Variants in GLCCI1 observed in about 807,000 individuals in gnomAD.
GLCCI1 encodes the protein glucocorticoid-induced transcript 1 protein.
GLCCI1 carries 24 observed loss-of-function variants against 52.2 expected under a neutral mutation model. That is an observed-to-expected ratio of 0.46 (90% CI 0.33 to 0.65). The LOEUF (loss-of-function observed/expected upper bound fraction) is 0.65. Among genes scored for constraint, GLCCI1 ranks in the 30% least tolerant of loss-of-function variants. GLCCI1 has a pLI of 0.02. For missense variants in GLCCI1, 704 were observed against 701.5 expected, an observed-to-expected ratio of 1.00 and a Z score of -0.04; for synonymous variants, 310 against 276.5, an observed-to-expected ratio of 1.12 and a Z score of -1.20.
At chr7:8,033,291 G>T (rs1781796566) in intron 3 of GLCCI1, among the ~76,000 whole-genome samples, 1 of 151,754 alleles carries the variant, frequency 6.6e-6, no homozygotes, top group South Asian at 2.1e-4. Flanking sequence ...AAAACCTACA[G>T]ATTACTCATA....
intron 3 of GLCCI1, among the ~76,000 whole-genome samples, chr7:8,023,486 A>G (rs189830395): frequency 1.4e-5 from 2 of 145,624 alleles, no homozygotes; most frequent in East Asian, 2.0e-4. Context: ...ATTCTTTTCT[A>G]TTTCTTTTTA....
At chr7:8,000,614 A>C (rs910934510) in intron 1 of GLCCI1, among the ~76,000 whole-genome samples, 3 of 152,216 alleles carry the variant, frequency 2.0e-5, no homozygotes, top group African/African-American at 7.2e-5. Flanking sequence ...TATGATACAC[A>C]TAAAAAAATC....
At chr7:8,069,359 G>A (rs1210551846) in intron 5 of GLCCI1, among the ~76,000 whole-genome samples, 1 of 152,116 alleles carries the variant, frequency 6.6e-6, no homozygotes, top group Admixed American at 6.5e-5. Context: ...TGGAGGTGTG[G>A]TTAAAGCACT....
At chr7:7,997,761 C>T (rs1780963005) in intron 1 of GLCCI1, among the ~76,000 whole-genome samples, 1 of 151,918 alleles carries the variant, frequency 6.6e-6, no homozygotes, top group Admixed American at 6.6e-5. Context: ...AACCCTGTCT[C>T]TACAAAAAAT....
At chr7:7,978,919 C>G (rs757247053) in intron 1 of GLCCI1, among the ~76,000 whole-genome samples, 14 of 152,078 alleles carry the variant, frequency 9.2e-5, no homozygotes, top group Non-Finnish European at 5.9e-5. Context: ...TTTATATTAG[C>G]TAATTATAAA....
At chr7:7,995,868 TG>T (rs1344798616) in intron 1 of GLCCI1, among the ~76,000 whole-genome samples, 1 of 152,118 alleles carries the variant, frequency 6.6e-6, no homozygotes, top group African/African-American at 2.4e-5. Context: ...ACCTGCACGT[TG>T]TGCACATATA....
intron 4 of GLCCI1, among the ~76,000 whole-genome samples, chr7:8,059,834 A>C (rs960102400): frequency 1.3e-5 from 2 of 152,246 alleles, no homozygotes; most frequent in Admixed American, 6.5e-5. Flanking sequence ...CTGCCATTCT[A>C]CTGAACAAGT....
intron 5 of GLCCI1, among the ~76,000 whole-genome samples, chr7:8,067,199 T>C (rs909606722): frequency 6.6e-6 from 1 of 152,170 alleles, no homozygotes; most frequent in Non-Finnish European, 1.5e-5. Context: ...AGAATAGCAA[T>C]CTTGCTTTTT....
At chr7:8,047,927 T>G (rs1304712235) in intron 3 of GLCCI1, among the ~76,000 whole-genome samples, 1 of 152,190 alleles carries the variant, frequency 6.6e-6, no homozygotes, top group African/African-American at 2.4e-5. Flanking sequence ...GCTACTTCCC[T>G]TCTCCCAGAG....
intron 3 of GLCCI1, among the ~76,000 whole-genome samples, chr7:8,023,588 CTTTTTTTTTTTTTTT>C (rs571726894): frequency 7.1e-5 from 3 of 41,984 alleles, no homozygotes; most frequent in African/African-American, 1.0e-4. Flanking sequence ...CTCTGTTATT[CTTTTTTTTTTTTTTT>C]TTTTTTTTTT....
In GLCCI1 at chr7:7,981,988, A is replaced by T. The variant is rs78145184; in HGVS notation, c.457+12181A>T. Reference sequence around the variant, plus strand: ...ATCAAAAATATTAATCCAGATAAGTATGAGAAAGTTTGGAGTTTGGTCACT... The same window carrying T: ...ATCAAAAATATTAATCCAGATAAGTTTGAGAAAGTTTGGAGTTTGGTCACT... On this transcript the variant is annotated intron_variant, in intron 1 of 7. Transcript: ENST00000223145. 185 of 421,358 alleles carry T rather than the reference A, an allele frequency of 4.4e-4. 1 individual carries two copies. In the East Asian group the frequency reaches 0.011, roughly 24 times the overall value. The allele number at this position is 421,358 out of a possible 1,614,324, so 26.1% of individuals were successfully genotyped here.
chr7:8,016,916 T>C (rs1298408379), intron 2 of GLCCI1, among the ~76,000 whole-genome samples: 1 of 152,208 alleles, frequency 6.6e-6, no homozygotes, highest in Non-Finnish European at 1.5e-5. Flanking sequence ...GATTATACAA[T>C]TATGAACATT....
At chr7:7,992,757 TCTC>T (rs894136393) in intron 1 of GLCCI1, among the ~76,000 whole-genome samples, 11 of 152,114 alleles carry the variant, frequency 7.2e-5, no homozygotes, top group African/African-American at 2.4e-4. Flanking sequence ...TGAAATCTTG[TCTC>T]CTCATTTTTT....
At chr7:8,008,287 CT>C (rs371599508) in intron 2 of GLCCI1, among the ~76,000 whole-genome samples, 969 of 139,746 alleles carry the variant, frequency 6.9e-3, no homozygotes, top group Admixed American at 8.4e-3. Flanking sequence ...TGTTGTATAT[CT>C]TTTTTTTTTT....
intron 6 of GLCCI1, among the ~76,000 whole-genome samples, chr7:8,078,250 T>C (rs1417437383): frequency 7.6e-6 from 1 of 132,074 alleles, no homozygotes; most frequent in African/African-American, 2.9e-5. Flanking sequence ...TTCATAAGAG[T>C]CCTTGTAAGC....
chr7:8,008,429 T>C (rs1781199962), intron 2 of GLCCI1, among the ~76,000 whole-genome samples: 1 of 151,940 alleles, frequency 6.6e-6, no homozygotes, highest in African/African-American at 2.4e-5. Flanking sequence ...GGGAATTAGC[T>C]GGGACTACAG....
chr7:7,973,153 A>C (rs1397697324), intron 1 of GLCCI1, among the ~76,000 whole-genome samples: 3 of 152,208 alleles, frequency 2.0e-5, no homozygotes, highest in Non-Finnish European at 4.4e-5. Flanking sequence ...ATAAAGTATT[A>C]TGCAAATAGT....
intron 1 of GLCCI1, among the ~76,000 whole-genome samples, chr7:8,000,715 G>A (rs1182862194): frequency 5.3e-5 from 1 of 18,774 alleles, no homozygotes. Flanking sequence ...AATAATTAAT[G>A]GGACAAATTA....
intron 5 of GLCCI1, among the ~76,000 whole-genome samples, chr7:8,063,495 C>T (rs1343764216): frequency 2.0e-5 from 3 of 151,768 alleles, no homozygotes; most frequent in African/African-American, 7.3e-5. Flanking sequence ...GATGGTATCT[C>T]ATTGTGGTTT....
Sources: gnomAD v4.1 joint callset for allele counts (sites outside exome capture counted in the v4.1 genomes callset) on GRCh38, gnomAD v4.1.1 for gene constraint, MANE v1.5 for transcripts, NCBI Gene and HGNC (gene_info 2026-07-23, HGNC 2026-07-21) for gene names.